Variants in INSC observed in about 807,000 individuals in gnomAD.
The protein encoded by INSC is protein inscuteable homolog.
In INSC, 67 loss-of-function variants were observed where a neutral mutation model predicts 58.6. The observed-to-expected ratio is 1.14, with a 90% confidence interval of 0.94 to 1.40. The LOEUF (loss-of-function observed/expected upper bound fraction) is 1.40, where lower values mean the gene tolerates loss of function less well. Ranked by LOEUF, INSC falls within the 40% of genes most tolerant of loss-of-function variation. INSC has a pLI of 0.00. For missense variants in INSC, 714 were observed against 692.0 expected (o/e 1.03, Z -0.36); for synonymous variants, 262 against 276.1 (o/e 0.95, Z 0.51).
intron 12 of INSC, among the ~76,000 whole-genome samples, chr11:15,243,853 CT>C (rs1007229399): frequency 3.3e-5 from 5 of 151,896 alleles, no homozygotes; most frequent in Middle Eastern, 6.8e-3. Context: ...TCCCCTCCCC[CT>C]AAGGGCTCTC....
chr11:15,259,969 G>A, the INSC span, among the ~76,000 whole-genome samples: 1 of 152,078 alleles, frequency 6.6e-6, no homozygotes, highest in African/African-American at 2.4e-5. Flanking sequence ...ACTCTGATGT[G>A]AGAGAGAATC....
intron 9 of INSC, among the ~76,000 whole-genome samples, chr11:15,234,524 A>G (rs1852047607): frequency 6.6e-6 from 1 of 152,238 alleles, no homozygotes; most frequent in Non-Finnish European, 1.5e-5. Context: ...TCTACTCAGT[A>G]GACTGTCAAC....
At position 15,180,936 on chromosome 11, in the gene INSC, G is replaced by A. The variant is rs374516683; in HGVS notation, c.579+2489G>A. 9.1e-4 allele frequency among the ~76,000 whole-genome samples: 138 copies of A among 152,302 alleles called. 4 individuals are homozygous for A. The South Asian group carries it at 0.028, about 31-fold the overall frequency. On this transcript the variant is annotated intron_variant, in intron 5 of 12. Coordinates refer to ENST00000379556, the MANE Select transcript of INSC (RefSeq NM_001042536.3). ...AGTGACATCAGGAGATATATTGACT[G>A]AAGACAGGGTAACTTGTGTTCAGTG...
intron 1 of INSC, among the ~76,000 whole-genome samples, chr11:15,138,684 T>G (rs1290909132): frequency 2.6e-5 from 4 of 152,240 alleles, no homozygotes; most frequent in African/African-American, 7.2e-5. Flanking sequence ...AAACTTCTTA[T>G]GGAGTACCAT....
chr11:15,139,949 C>T (rs538518385), intron 1 of INSC, among the ~76,000 whole-genome samples: 3 of 152,310 alleles, frequency 2.0e-5, no homozygotes, highest in Non-Finnish European at 4.4e-5. Context: ...TGGCTTAGGG[C>T]TGGGAGCTCC....
chr11:15,193,338 C>A (rs559989690), intron 6 of INSC, among the ~76,000 whole-genome samples: 2 of 152,310 alleles, frequency 1.3e-5, no homozygotes, highest in East Asian at 3.9e-4. Flanking sequence ...TACATGTGCA[C>A]AACGTGCAGG....
At chr11:15,255,283 G>A in the INSC span, among the ~76,000 whole-genome samples, 2 of 152,080 alleles carry the variant, frequency 1.3e-5, no homozygotes, top group African/African-American at 2.4e-5. Flanking sequence ...TAATTCTTAA[G>A]CACAGATACA....
chr11:15,260,592 C>T, the INSC span, among the ~76,000 whole-genome samples: 1 of 152,074 alleles, frequency 6.6e-6, no homozygotes, highest in Non-Finnish European at 1.5e-5. Context: ...TAACACAGAG[C>T]CTAGTACCTT....
In INSC at chr11:15,239,008, G is replaced by C; in HGVS notation, c.1327G>C (p.Ala443Pro). The change falls in exon 11 of 13, where the codon GCT (alanine) becomes CCT (proline). Residue 443 changes from alanine (A) to proline (P), a missense_variant. Transcript: ENST00000379556. ...AGCCTGTGAGCGAGTCCAGCAGAAA[G>C]CTGCAGTGACCCTGGCTCGTCTCAG... ...VAACERVQQK[A>P]AVTLARLSRD... is the part of the protein sequence containing the mutation. The C allele has an allele frequency of 1.2e-6, 2 of 1,614,218 alleles. No individual in the cohort carries two copies. Among genetic ancestry groups the C allele is most frequent in the South Asian group, 2.2e-5 (2 of 91,088 alleles).
At chr11:15,226,788 C>T (rs1210344651) in intron 9 of INSC, among the ~76,000 whole-genome samples, 1 of 148,560 alleles carries the variant, frequency 6.7e-6, no homozygotes, top group African/African-American at 2.5e-5. Context: ...ATTCATACCT[C>T]ACAATGCAGT....
intron 9 of INSC, among the ~76,000 whole-genome samples, chr11:15,229,965 TATATATATATATATTATA>T (rs1851806871): frequency 2.9e-4 from 7 of 24,490 alleles, no homozygotes; most frequent in Non-Finnish European, 4.4e-4. Context: ...TATATTTATA[TATATATATATATATTATA>T]TATATATATA....
chr11:15,243,247 T>TG (rs1852426903), intron 12 of INSC, among the ~76,000 whole-genome samples: 1 of 152,268 alleles, frequency 6.6e-6, no homozygotes, highest in South Asian at 2.1e-4. Flanking sequence ...GCCTGGCAGA[T>TG]GGAGTTAGAA....
chr11:15,112,204 G>C (rs59568275), upstream of INSC, among the ~76,000 whole-genome samples: 1 of 152,190 alleles, frequency 6.6e-6, no homozygotes, highest in Non-Finnish European at 1.5e-5. Context: ...TAGGGCCGGC[G>C]CCGGGGATGG....
chr11:15,120,606 G>T (rs1847846798), intron 1 of INSC, among the ~76,000 whole-genome samples: 1 of 152,178 alleles, frequency 6.6e-6, no homozygotes, highest in South Asian at 2.1e-4. Context: ...TAGCATAACT[G>T]GAGCCTATGG....
At position 15,177,172 on chromosome 11, in the gene INSC, G is replaced by T; in HGVS notation, c.455+9G>T. ...TCGGCAGTCACAGAGAGGTAAATTT[G>T]GACCATAGATCTCCCAGGGTCTGCC... On this transcript the variant is annotated intron_variant, in intron 4 of 12. Coordinates refer to ENST00000379556, the MANE Select transcript of INSC (RefSeq NM_001042536.3). 6.2e-7 allele frequency: 1 copy of T among 1,613,110 alleles called. No individual in the cohort carries two copies. The highest frequency in any genetic ancestry group is 8.5e-7 in the Non-Finnish European group (1 of 1,179,154).
chr11:15,143,886 A>T (rs993828867), intron 1 of INSC, among the ~76,000 whole-genome samples: 1 of 152,206 alleles, frequency 6.6e-6, no homozygotes, highest in Non-Finnish European at 1.5e-5. Flanking sequence ...ATTGAAAAAA[A>T]GCCTACAATG....
At chr11:15,223,201 A>G (rs920286614) in intron 8 of INSC, among the ~76,000 whole-genome samples, 12 of 152,260 alleles carry the variant, frequency 7.9e-5, no homozygotes, top group African/African-American at 2.7e-4. Flanking sequence ...TGTAAACTTC[A>G]TAGAAAATTT....
chr11:15,166,989 T>C (rs1338088903), intron 2 of INSC, among the ~76,000 whole-genome samples: 2 of 152,176 alleles, frequency 1.3e-5, no homozygotes, highest in East Asian at 1.9e-4. Context: ...GCATGATAAG[T>C]GCACAGCTCT....
rs759238032 is a variant in INSC, at chr11:15,245,990, C to T, written c.1549C>T (p.Leu517=). 1.2e-6 allele frequency: 2 copies of T among 1,614,200 alleles called. No homozygotes were observed. The highest frequency in any genetic ancestry group is 1.7e-6 in the Non-Finnish European group (2 of 1,180,020). ...CTTTCAGCAGTTGGTCCAGCCTCGGCTGGTGGACTCCTTCTTACTCTGCAG... is the reference window on the plus strand; with the variant it reads ...CTTTCAGCAGTTGGTCCAGCCTCGGTTGGTGGACTCCTTCTTACTCTGCAG... ...SDFQQLVQPR[L]VDSFLLCSNM... is the part of the protein sequence containing the mutation. Residue 517 remains leucine (L), a synonymous_variant, in exon 13 of 13, where the codon CTG becomes TTG. Coordinates refer to ENST00000379556, the MANE Select transcript of INSC (RefSeq NM_001042536.3).
Sources: allele counts gnomAD v4.1 joint callset (sites outside exome capture counted in the v4.1 genomes callset), GRCh38; gene constraint gnomAD v4.1.1; transcripts MANE v1.5; gene names NCBI Gene and HGNC (gene_info 2026-07-23, HGNC 2026-07-21).